ABCC4: variants seen among roughly 807,000 people sequenced by gnomAD.
ABCC4 encodes ATP-binding cassette sub-family C member 4.
A neutral mutation model predicts 168.5 loss-of-function variants in ABCC4; 102 were observed. That is an observed-to-expected ratio of 0.61 (90% CI 0.52 to 0.71). ABCC4 has a LOEUF of 0.71. ABCC4 is among the 30% of genes least tolerant of loss of function. The pLI, the probability that ABCC4 is intolerant of heterozygous loss-of-function variation, is 0.00. For synonymous variants in ABCC4, 617 were observed against 590.7 expected (o/e 1.04, Z -0.65); for missense variants, 1,402 against 1,605.8 (o/e 0.87, Z 2.17).
At chr13:95,150,822 G>A (rs533051849) in intron 19 of ABCC4, among the ~76,000 whole-genome samples, 14 of 152,282 alleles carry the variant, frequency 9.2e-5, no homozygotes, top group Admixed American at 2.6e-4. Context: ...ACCTCCCCCA[G>A]TGGCTCAGAA....
chr13:95,123,249 C>G (rs2035638830), intron 19 of ABCC4, among the ~76,000 whole-genome samples: 1 of 152,210 alleles, frequency 6.6e-6, no homozygotes, highest in African/African-American at 2.4e-5. Context: ...TTTCCTGCTG[C>G]TCACCCATCA....
intron 14 of ABCC4, among the ~76,000 whole-genome samples, chr13:95,166,616 A>G (rs1418590758): frequency 6.6e-6 from 1 of 152,230 alleles, no homozygotes; most frequent in African/African-American, 2.4e-5. Context: ...GGCGATTATT[A>G]TCACACAGAT....
At chr13:95,041,317 GGA>G (rs2032349110) in intron 29 of ABCC4, among the ~76,000 whole-genome samples, 1 of 152,208 alleles carries the variant, frequency 6.6e-6, no homozygotes. Context: ...AAATCCCTTT[GGA>G]GAGTCAACAC....
intron 19 of ABCC4, among the ~76,000 whole-genome samples, chr13:95,131,223 T>G (rs542375617): frequency 2.5e-4 from 38 of 152,164 alleles, no homozygotes; most frequent in Admixed American, 9.2e-4. Context: ...TTTGATCTAA[T>G]TTTCAAGTGT....
At chr13:95,131,252 A>C (rs1457377688) in intron 19 of ABCC4, among the ~76,000 whole-genome samples, 2 of 152,084 alleles carry the variant, frequency 1.3e-5, no homozygotes, top group African/African-American at 4.8e-5. Context: ...AAAAAGGGGA[A>C]GCATGCCAAG....
In ABCC4 at chr13:95,234,805, A is replaced by G; in HGVS notation, c.336T>C (p.Phe112=). 6.4e-7 allele frequency: 1 copy of G among 1,573,642 alleles called. No individual in the cohort carries two copies. The highest frequency in any genetic ancestry group is 8.6e-7 in the Non-Finnish European group (1 of 1,158,052). Residue 112 remains phenylalanine (F), a synonymous_variant, in exon 4 of 31, where the codon TTT becomes TTC. Transcript: ENST00000645237. ...CAAAATAATTAATAATTTTTCCCAAAAATATGGGCTGGATTACTTTGGCAC... is the reference window on the plus strand; with the variant it reads ...CAAAATAATTAATAATTTTTCCCAAGAATATGGGCTGGATTACTTTGGCAC... ...EESAKVIQPI[F]LGKIINYFEN... is the part of the protein sequence containing the mutation.
intron 20 of ABCC4, among the ~76,000 whole-genome samples, chr13:95,097,817 T>G (rs934982438): frequency 1.3e-5 from 2 of 151,646 alleles, no homozygotes; most frequent in South Asian, 2.1e-4. Flanking sequence ...CCATAATAAC[T>G]CACTACTAAA....
intron 19 of ABCC4, among the ~76,000 whole-genome samples, chr13:95,132,569 T>C (rs1008165097): frequency 6.6e-6 from 1 of 152,186 alleles, no homozygotes; most frequent in Admixed American, 6.5e-5. Flanking sequence ...CTAAATACAA[T>C]GTAAGTGCTA....
rs759586029 is a variant in ABCC4, at chr13:95,022,620, T to C, written c.3871-938A>G. 2.7e-4 allele frequency among the ~76,000 whole-genome samples: 41 copies of C among 152,202 alleles called. 1 individual carries two copies. The highest frequency in any genetic ancestry group is 2.4e-3 in the Admixed American group (36 of 15,278). Reference sequence around the variant, plus strand: ...TCCCCAAAGAAGAATGTGAAAAGTTTTGTTTGAATCTTTAAAACAGAAAAT... The same window carrying C: ...TCCCCAAAGAAGAATGTGAAAAGTTCTGTTTGAATCTTTAAAACAGAAAAT... On this transcript the variant is annotated intron_variant, in intron 30 of 30. Transcript: ENST00000645237.
intron 20 of ABCC4, among the ~76,000 whole-genome samples, chr13:95,095,412 TA>T (rs2034561484): frequency 6.6e-6 from 1 of 152,184 alleles, no homozygotes; most frequent in South Asian, 2.1e-4. Context: ...GACTGGAGAC[TA>T]TTATTCTGAG....
At chr13:95,080,885 C>A (rs1022045904) in intron 21 of ABCC4, among the ~76,000 whole-genome samples, 1 of 152,158 alleles carries the variant, frequency 6.6e-6, no homozygotes, top group Non-Finnish European at 1.5e-5. Flanking sequence ...TGGATTATGC[C>A]TCCCTGCCAC....
chr13:95,188,412 A>G (rs2139624879), intron 10 of ABCC4, 41 bp downstream of exon 10: 1 of 1,565,964 alleles, frequency 6.4e-7, no homozygotes, highest in African/African-American at 1.4e-5. Flanking sequence ...TAATATGATA[A>G]GTGGGGTTGC....
intron 20 of ABCC4, among the ~76,000 whole-genome samples, chr13:95,094,167 TA>T (rs577459302): frequency 2.2e-4 from 32 of 148,102 alleles, no homozygotes; most frequent in East Asian, 7.8e-4. Context: ...TGCACAGAAT[TA>T]AAAAAAAAAA....
At chr13:95,025,217 ACACCCC>A (rs2031376293) in intron 30 of ABCC4, among the ~76,000 whole-genome samples, 1 of 25,158 alleles carries the variant, frequency 4.0e-5, no homozygotes, top group African/African-American at 2.1e-4. Flanking sequence ...CACCCCCCAC[ACACCCC>A]CACACACACC....
Position 95,301,343 on chromosome 13 carries a change from G to A in ABCC4, c.-29C>T. ...GCCGGGCGGGGCGGGCGCGGGCCGG[G>A]GTCGCGCTGATCAGGCGGCGGTGGC... On this transcript the variant is annotated 5_prime_UTR_variant, in exon 1 of 31. Transcript: ENST00000645237. The A allele has an allele frequency of 6.4e-7, 1 of 1,560,648 alleles. No homozygotes were observed. Among genetic ancestry groups the A allele is most frequent in the Non-Finnish European group, 8.7e-7 (1 of 1,154,560 alleles).
At chr13:95,182,655 A>G (rs2139607981) in intron 11 of ABCC4, among the ~76,000 whole-genome samples, 1 of 152,300 alleles carries the variant, frequency 6.6e-6, no homozygotes, top group South Asian at 2.1e-4. Flanking sequence ...TATCCTCACA[A>G]TAGCCTATGA....
intron 1 of ABCC4, among the ~76,000 whole-genome samples, chr13:95,283,051 C>T (rs973147270): frequency 2.6e-5 from 4 of 151,326 alleles, no homozygotes; most frequent in Non-Finnish European, 5.9e-5. Context: ...CCCATCTCTA[C>T]TAAAAATACA....
Position 95,074,264 on chromosome 13 carries a change from C to A in ABCC4, c.2867G>T (p.Cys956Phe), listed in dbSNP as rs11568707. ...RWFAVRLDAI[C>F]AMFVIIVAFG... Reference sequence around the variant, plus strand: ...GGCAACGATGATGACAAACATGGCACAGATGGCATCCAGACGGACGGCAAA... The same window carrying A: ...GGCAACGATGATGACAAACATGGCAAAGATGGCATCCAGACGGACGGCAAA... Residue 956 changes from cysteine (C) to phenylalanine (F), a missense_variant, in exon 23 of 31, where the codon TGT becomes TTT. Coordinates refer to ENST00000645237, the MANE Select transcript of ABCC4 (RefSeq NM_005845.5). 1 of 1,613,902 alleles carries A rather than the reference C, an allele frequency of 6.2e-7. No individual in the cohort carries two copies. Among genetic ancestry groups the A allele is most frequent in the Admixed American group, 1.7e-5 (1 of 59,990 alleles).
chr13:95,117,057 G>C (rs982018732), intron 19 of ABCC4, among the ~76,000 whole-genome samples: 2 of 152,130 alleles, frequency 1.3e-5, no homozygotes, highest in Non-Finnish European at 2.9e-5. Flanking sequence ...GTTCTCCTGA[G>C]GCATCCAGCT....
Sources: gnomAD v4.1 joint callset for allele counts (sites outside exome capture counted in the v4.1 genomes callset) on GRCh38, gnomAD v4.1.1 for gene constraint, MANE v1.5 for transcripts, NCBI Gene and HGNC (gene_info 2026-07-23, HGNC 2026-07-21) for gene names.